Variants in PTPRR observed in about 807,000 individuals in gnomAD.
PTPRR encodes receptor-type tyrosine-protein phosphatase R.
Under a neutral mutation model 77.2 loss-of-function variants are expected in PTPRR, and 38 were observed. The observed-to-expected ratio is 0.49, with a 90% CI of 0.38 to 0.65. The LOEUF (loss-of-function observed/expected upper bound fraction) is 0.65. Ranked by LOEUF, PTPRR falls within the 30% of genes least tolerant of loss-of-function variation. PTPRR has a pLI of 0.00. For synonymous variants in PTPRR, 299 were observed against 283.1 expected (o/e 1.06, Z -0.57); for missense variants, 744 against 799.2 (o/e 0.93, Z 0.83).
chr12:70,645,722 C>T (rs1886171433), intron 13 of PTPRR, among the ~76,000 whole-genome samples: 1 of 152,124 alleles, frequency 6.6e-6, no homozygotes. Flanking sequence ...CAGATAATCT[C>T]ATATCACATT....
At chr12:70,681,793 G>T (rs1187530250) in intron 10 of PTPRR, among the ~76,000 whole-genome samples, 2 of 152,148 alleles carry the variant, frequency 1.3e-5, no homozygotes, top group Non-Finnish European at 2.9e-5. Context: ...GGTATATGCT[G>T]AGAGTATGTG....
At chr12:70,772,957 A>G (rs1229098884) in intron 2 of PTPRR, among the ~76,000 whole-genome samples, 1 of 152,120 alleles carries the variant, frequency 6.6e-6, no homozygotes, top group Non-Finnish European at 1.5e-5. Flanking sequence ...CAGTGGGGCC[A>G]TGTTCCCTCT....
At chr12:70,760,339 T>A (rs1487971103) in intron 4 of PTPRR, among the ~76,000 whole-genome samples, 3 of 152,166 alleles carry the variant, frequency 2.0e-5, no homozygotes, top group Non-Finnish European at 4.4e-5. Context: ...ACAAACTCCA[T>A]CTGGGTGCAA....
intron 6 of PTPRR, 85 bp downstream of exon 6, chr12:70,745,733 A>G: frequency 7.0e-7 from 1 of 1,435,804 alleles, no homozygotes; most frequent in South Asian, 1.4e-5. Flanking sequence ...CAATTATGTC[A>G]ATCATTACTA....
intron 8 of PTPRR, among the ~76,000 whole-genome samples, chr12:70,692,535 TAG>T (rs1351803037): frequency 6.6e-6 from 1 of 152,200 alleles, no homozygotes; most frequent in East Asian, 1.9e-4. Context: ...CTTAGCAAGA[TAG>T]AGCAGATCCT....
Position 70,920,498 on chromosome 12 carries a change from G to T in PTPRR, c.-108C>A. On this transcript the variant is annotated 5_prime_UTR_variant, in exon 1 of 14. Coordinates refer to ENST00000283228, the MANE Select transcript of PTPRR (RefSeq NM_002849.4). Reference sequence around the variant, plus strand: ...GGGTCTTCTAGTCTCCGGGATTCAGGTCCTCGGCTGGGGTTTGCAGAGCAG... The same window carrying T: ...GGGTCTTCTAGTCTCCGGGATTCAGTTCCTCGGCTGGGGTTTGCAGAGCAG... 1 of 1,091,430 alleles carries T rather than the reference G, an allele frequency of 9.2e-7. No homozygotes were observed. Among genetic ancestry groups the T allele is most frequent in the Non-Finnish European group, 1.3e-6 (1 of 744,268 alleles). 67.6% of individuals were successfully genotyped at this position (1,091,430 alleles called of 1,614,324 possible).
intron 4 of PTPRR, among the ~76,000 whole-genome samples, chr12:70,760,610 A>G (rs1890669185): frequency 6.6e-6 from 1 of 152,192 alleles, no homozygotes; most frequent in Non-Finnish European, 1.5e-5. Context: ...CCTGGGCAAC[A>G]TAGTAAAACC....
At chr12:70,818,453 T>C (rs968274071) in intron 2 of PTPRR, among the ~76,000 whole-genome samples, 14 of 152,166 alleles carry the variant, frequency 9.2e-5, no homozygotes, top group African/African-American at 3.4e-4. Flanking sequence ...GAGAGCATTA[T>C]TCTCACACTT....
chr12:70,816,836 T>C (rs1891911662), intron 2 of PTPRR, among the ~76,000 whole-genome samples: 2 of 152,164 alleles, frequency 1.3e-5, no homozygotes, highest in Non-Finnish European at 2.9e-5. Flanking sequence ...AGTTACAATG[T>C]TTGATTTTAA....
intron 3 of PTPRR, 133 bp from the exon 4 acceptor site, chr12:70,761,759 T>C: frequency 1.6e-6 from 1 of 634,876 alleles, no homozygotes; most frequent in Non-Finnish European, 2.4e-6. Flanking sequence ...GAGATTATAT[T>C]TATTAGTTAT....
At chr12:70,892,584 G>C (rs1024345477) in intron 2 of PTPRR, 95 bp downstream of exon 2, 3 of 1,408,378 alleles carry the variant, frequency 2.1e-6, no homozygotes, top group African/African-American at 1.4e-5. Context: ...GGGATTCATT[G>C]ATAACTATTC....
At chr12:70,830,375 C>G (rs1892190849) in intron 2 of PTPRR, among the ~76,000 whole-genome samples, 1 of 152,160 alleles carries the variant, frequency 6.6e-6, no homozygotes, top group African/African-American at 2.4e-5. Context: ...CCTTGACATG[C>G]TGCCATAATA....
intron 13 of PTPRR, among the ~76,000 whole-genome samples, chr12:70,651,558 T>C (rs1333452993): frequency 6.6e-6 from 1 of 152,180 alleles, no homozygotes; most frequent in Non-Finnish European, 1.5e-5. Context: ...GGAGCTCTCA[T>C]TTATACTAAA....
At chr12:70,867,033 C>T (rs912874402) in intron 2 of PTPRR, among the ~76,000 whole-genome samples, 6 of 151,440 alleles carry the variant, frequency 4.0e-5, no homozygotes, top group African/African-American at 9.7e-5. Context: ...ATTGGTAGGA[C>T]GTATCTCAAA....
chr12:70,893,035 A>T, intron 1 of PTPRR, 58 bp from the exon 2 acceptor site: 1 of 1,530,612 alleles, frequency 6.5e-7, no homozygotes, highest in Middle Eastern at 2.2e-4. Flanking sequence ...AGAGAGGTAG[A>T]TATATCTGAT....
chr12:70,681,104 A>C (rs1003567487), intron 10 of PTPRR, among the ~76,000 whole-genome samples: 1 of 152,070 alleles, frequency 6.6e-6, no homozygotes, highest in Admixed American at 6.5e-5. Flanking sequence ...TGAAAGGTGG[A>C]ACACCTCCTA....
At position 70,920,321 on chromosome 12, in the gene PTPRR, G is replaced by C; in HGVS notation, c.58+12C>G. 6.2e-7 allele frequency: 1 copy of C among 1,612,496 alleles called. No homozygotes were observed. Among genetic ancestry groups the C allele is most frequent in the Non-Finnish European group, 8.5e-7 (1 of 1,178,758 alleles). ...ATGCACAGCTCCGGCTCTAAGCCTG[G>C]CAACCCCTTACCTGCAGCGTGAAGA... On this transcript the variant is annotated intron_variant, in intron 1 of 13. Transcript: ENST00000283228.
At chr12:70,844,682 G>A (rs1167765794) in intron 2 of PTPRR, among the ~76,000 whole-genome samples, 1 of 152,058 alleles carries the variant, frequency 6.6e-6, no homozygotes, top group Non-Finnish European at 1.5e-5. Context: ...ATTTGGACTT[G>A]ACTTATATGA....
chr12:70,652,265 T>C (rs1457913259), intron 13 of PTPRR, among the ~76,000 whole-genome samples: 3 of 151,888 alleles, frequency 2.0e-5, no homozygotes, highest in Non-Finnish European at 4.4e-5. Context: ...TGAGGTATGA[T>C]AGGAAAAAGC....
Sources: gnomAD v4.1 joint callset for allele counts (sites outside exome capture counted in the v4.1 genomes callset) on GRCh38, gnomAD v4.1.1 for gene constraint, MANE v1.5 for transcripts, NCBI Gene and HGNC (gene_info 2026-07-23, HGNC 2026-07-21) for gene names.